Variants in XKR4 observed in about 807,000 individuals in gnomAD.
The protein encoded by XKR4 is XK-related protein 4.
XKR4 carries 12 observed loss-of-function variants against 53.9 expected under a neutral mutation model. That is an observed-to-expected ratio of 0.22 (90% CI 0.14 to 0.36). XKR4 has a LOEUF of 0.36. Among genes scored for constraint, XKR4 ranks in the 10% least tolerant of loss-of-function variants. XKR4 has a pLI of 1.00. For synonymous variants in XKR4, 354 were observed against 362.4 expected, an observed-to-expected ratio of 0.98 and a Z score of 0.26; for missense variants, 799 against 859.5, an observed-to-expected ratio of 0.93 and a Z score of 0.88.
chr8:55,518,213 C>T (rs1207087722), intron 2 of XKR4, among the ~76,000 whole-genome samples: 1 of 152,202 alleles, frequency 6.6e-6, no homozygotes, highest in African/African-American at 2.4e-5. Flanking sequence ...AACAACACAA[C>T]AGGAGTTCAG....
chr8:55,354,356 T>G (rs1289964697), intron 1 of XKR4, among the ~76,000 whole-genome samples: 1 of 152,126 alleles, frequency 6.6e-6, no homozygotes, highest in Non-Finnish European at 1.5e-5. Flanking sequence ...ACTAAGAAAC[T>G]GAAGGCCTTT....
intron 2 of XKR4, chr8:55,453,030 C>A: frequency 1.6e-6 from 1 of 628,738 alleles, no homozygotes; most frequent in Non-Finnish European, 3.1e-6. Context: ...CTCTCTCATC[C>A]TCCTGGGAAG....
intron 1 of XKR4, among the ~76,000 whole-genome samples, chr8:55,231,959 C>T (rs1176140929): frequency 6.6e-6 from 1 of 152,196 alleles, no homozygotes; most frequent in East Asian, 1.9e-4. Context: ...CAATTATCAT[C>T]TCAGATTCAT....
Position 55,274,897 on chromosome 8 carries a change from T to C in XKR4, c.807-82781T>C, listed in dbSNP as rs532430323. On this transcript the variant is annotated intron_variant, in intron 1 of 2. Coordinates refer to ENST00000327381, the MANE Select transcript of XKR4 (RefSeq NM_052898.2). Reference sequence around the variant, plus strand: ...GGCGGATAGGCAACAGTTCAGTCCATGACAGTGCCAACTGCAGTCAAGCAG... The same window carrying C: ...GGCGGATAGGCAACAGTTCAGTCCACGACAGTGCCAACTGCAGTCAAGCAG... Among the ~76,000 whole-genome samples the C allele has an allele frequency of 2.0e-5, 3 of 152,308 alleles. No individual in the cohort carries two copies. The East Asian group carries it at 5.8e-4, about 29-fold the overall frequency.
intron 1 of XKR4, among the ~76,000 whole-genome samples, chr8:55,254,534 C>CT (rs961789110): frequency 4.6e-5 from 7 of 152,092 alleles, no homozygotes; most frequent in African/African-American, 1.7e-4. Context: ...ACTCGTGATC[C>CT]TTTTTTTGAC....
chr8:55,299,953 G>T (rs1248330864), intron 1 of XKR4, among the ~76,000 whole-genome samples: 1 of 152,126 alleles, frequency 6.6e-6, no homozygotes, highest in Non-Finnish European at 1.5e-5. Context: ...TGAAACCATG[G>T]GCTGGAGGAG....
intron 1 of XKR4, among the ~76,000 whole-genome samples, chr8:55,145,717 A>G (rs972895086): frequency 1.3e-5 from 2 of 152,232 alleles, no homozygotes; most frequent in African/African-American, 4.8e-5. Flanking sequence ...TTTGAAATAA[A>G]CTTCTCTAAT....
At chr8:55,193,664 G>T (rs1329582282) in intron 1 of XKR4, among the ~76,000 whole-genome samples, 1 of 152,236 alleles carries the variant, frequency 6.6e-6, no homozygotes, top group African/African-American at 2.4e-5. Context: ...AGAAATGAGA[G>T]TCCCCATGCT....
chr8:55,493,266 T>C (rs1168603736), intron 2 of XKR4, among the ~76,000 whole-genome samples: 1 of 152,180 alleles, frequency 6.6e-6, no homozygotes, highest in Non-Finnish European at 1.5e-5. Flanking sequence ...CCAGGAGTAA[T>C]GCCCATCTAA....
intron 2 of XKR4, among the ~76,000 whole-genome samples, chr8:55,464,252 G>T (rs1223028794): frequency 3.3e-5 from 5 of 152,082 alleles, no homozygotes; most frequent in Non-Finnish European, 7.3e-5. Flanking sequence ...ACCAAATCCA[G>T]CAACACATCA....
At chr8:55,179,350 C>T (rs1412135781) in intron 1 of XKR4, among the ~76,000 whole-genome samples, 8 of 152,098 alleles carry the variant, frequency 5.3e-5, no homozygotes, top group African/African-American at 1.4e-4. Flanking sequence ...ATGCCAGTGC[C>T]GACATGCAAG....
chr8:55,430,585 A>C (rs1027858705), intron 2 of XKR4, among the ~76,000 whole-genome samples: 5 of 152,220 alleles, frequency 3.3e-5, no homozygotes, highest in African/African-American at 1.2e-4. Context: ...GATTGTATCA[A>C]TATTAATACT....
At position 55,527,603 on chromosome 8, in the gene XKR4, A is replaced by G. The variant is rs914452039; in HGVS notation, c.*3376A>G. 1 of 152,230 alleles carries G rather than the reference A, an allele frequency of 6.6e-6. No homozygotes were observed. Among genetic ancestry groups the G allele is most frequent in the African/African-American group, 2.4e-5 (1 of 41,468 alleles). The allele number at this position is 152,230 out of a possible 1,614,324, so 9.4% of individuals were successfully genotyped here. On this transcript the variant is annotated 3_prime_UTR_variant, in exon 3 of 3. Coordinates refer to ENST00000327381, the MANE Select transcript of XKR4 (RefSeq NM_052898.2). ...GTAAGTCAAAGTTTAGTCTCCCAAAATGACTATGTCCTTTAAATCCTCTTT... is the reference window on the plus strand; with the variant it reads ...GTAAGTCAAAGTTTAGTCTCCCAAAGTGACTATGTCCTTTAAATCCTCTTT...
At chr8:55,329,586 C>T (rs1270854809) in intron 1 of XKR4, among the ~76,000 whole-genome samples, 1 of 152,172 alleles carries the variant, frequency 6.6e-6, no homozygotes, top group Non-Finnish European at 1.5e-5. Context: ...TTTGACATGT[C>T]TTAACTTAGT....
intron 1 of XKR4, among the ~76,000 whole-genome samples, chr8:55,348,443 A>G (rs1803680398): frequency 6.6e-6 from 1 of 152,022 alleles, no homozygotes; most frequent in Non-Finnish European, 1.5e-5. Context: ...AGGAAATAAT[A>G]TTTTCTAGAT....
intron 2 of XKR4, among the ~76,000 whole-genome samples, chr8:55,389,712 A>G (rs1190504498): frequency 2.0e-5 from 3 of 152,194 alleles, no homozygotes; most frequent in Non-Finnish European, 4.4e-5. Context: ...GAGTACCCCC[A>G]GTTTGCCAGA....
At chr8:55,334,577 C>A (rs191172802) in intron 1 of XKR4, among the ~76,000 whole-genome samples, 1 of 152,150 alleles carries the variant, frequency 6.6e-6, no homozygotes, top group African/African-American at 2.4e-5. Flanking sequence ...AACAAACTTG[C>A]AGCAATATTC....
chr8:55,531,322 T>G lies in XKR4; in HGVS notation c.*7095T>G, dbSNP rs1806950256. On this transcript the variant is annotated 3_prime_UTR_variant, in exon 3 of 3. Transcript: ENST00000327381. ...ACTGTAGGCAACTGTAACACCATGG[T>G]AAGTACTTGTGTATTTAAATATAGA... The G allele has an allele frequency of 6.6e-6, 1 of 152,226 alleles. No individual in the cohort carries two copies. Among genetic ancestry groups the G allele is most frequent in the Non-Finnish European group, 1.5e-5 (1 of 68,044 alleles). 9.4% of individuals were successfully genotyped at this position (152,226 alleles called of 1,614,324 possible). A position where few individuals can be genotyped will look rare whatever the true frequency, so the allele number is the denominator to read the frequency against.
At chr8:55,501,608 A>G (rs1363845375) in intron 2 of XKR4, among the ~76,000 whole-genome samples, 1 of 152,190 alleles carries the variant, frequency 6.6e-6, no homozygotes, top group African/African-American at 2.4e-5. Context: ...TTCAAGGTTC[A>G]TCCATGTAGC....
Sources: allele counts gnomAD v4.1 joint callset (sites outside exome capture counted in the v4.1 genomes callset), GRCh38; gene constraint gnomAD v4.1.1; transcripts MANE v1.5; gene names NCBI Gene and HGNC (gene_info 2026-07-23, HGNC 2026-07-21).